PLEKHM1: variants seen among roughly 807,000 people sequenced by gnomAD.
PLEKHM1 encodes the protein pleckstrin homology and RUN domain containing M1.
PLEKHM1 carries 28 observed loss-of-function variants against 94.3 expected under a neutral mutation model. That is an observed-to-expected ratio of 0.30 (90% confidence interval 0.22 to 0.41). PLEKHM1 has a LOEUF of 0.41. Ranked by LOEUF, PLEKHM1 falls within the 10% of genes least tolerant of loss-of-function variation. PLEKHM1 has a pLI of 1.00. For missense variants in PLEKHM1, 907 were observed against 1,358.6 expected, an observed-to-expected ratio of 0.67 and a Z score of 5.22; for synonymous variants, 424 against 581.2, an observed-to-expected ratio of 0.73 and a Z score of 3.89.
At position 45,437,855 on chromosome 17, in the gene PLEKHM1, G is replaced by T; in HGVS notation, c.*3C>A. ...CTTTCAGAGCGGGGTCAGCAGATGG[G>T]CATCAGGCGAAAATGTTCTGTTCCT... On this transcript the variant is annotated 3_prime_UTR_variant, in exon 12 of 12. Coordinates refer to ENST00000430334, the MANE Select transcript of PLEKHM1 (RefSeq NM_014798.3). This position sits in a 1 kb window ranked among gnomAD's most constrained non-coding sequence, Gnocchi z 4.0. 1 of 1,610,116 alleles carries T rather than the reference G, an allele frequency of 6.2e-7. No homozygotes were observed. The highest frequency in any genetic ancestry group is 8.5e-7 in the Non-Finnish European group (1 of 1,176,460).
Position 45,444,611 on chromosome 17 carries a change from TC to T in PLEKHM1, c.2837+858del, listed in dbSNP as rs1446982658. 6.6e-6 allele frequency among the ~76,000 whole-genome samples: 1 copy of T among 152,248 alleles called. No individual in the cohort carries two copies. The highest frequency in any genetic ancestry group is 1.9e-4 in the East Asian group (1 of 5,178). ...GGCCCTCACCTGCCTCTCGCCACAC[TC>T]CCCACTTCCCTCCTCACTGTAGCCA... On this transcript the variant is annotated intron_variant, in intron 9 of 11. Coordinates refer to ENST00000430334, the MANE Select transcript of PLEKHM1 (RefSeq NM_014798.3). The surrounding 1 kb of genome is among the most constrained non-coding windows in gnomAD (Gnocchi z 5.0).
At chr17:45,483,484 G>T (rs2052021090) in intron 1 of PLEKHM1, among the ~76,000 whole-genome samples, 2 of 149,782 alleles carry the variant, frequency 1.3e-5, no homozygotes, top group African/African-American at 4.9e-5. Context: ...GCCTGAGGGG[G>T]CTGCTGACTG....
At chr17:45,467,021 T>C (rs2051340729) in intron 5 of PLEKHM1, among the ~76,000 whole-genome samples, 1 of 152,254 alleles carries the variant, frequency 6.6e-6, no homozygotes, top group Admixed American at 6.5e-5. Context: ...TAGGTTGCAA[T>C]ATATTTTTAC....
At chr17:45,446,407 CTAACGTAGCT>C (rs2050607989) in intron 8 of PLEKHM1, 1 of 152,910 alleles carries the variant, frequency 6.5e-6, no homozygotes, top group African/African-American at 2.4e-5. Flanking sequence ...CTTAGAGGGG[CTAACGTAGCT>C]TATACAACCT....
intron 1 of PLEKHM1, among the ~76,000 whole-genome samples, chr17:45,488,372 A>C (rs1261446166): frequency 5.3e-5 from 8 of 152,180 alleles, no homozygotes; most frequent in Non-Finnish European, 1.2e-4. Flanking sequence ...TGGTGCTCAA[A>C]AAATAAGCTG....
At chr17:45,461,421 T>C (rs1266018897) in intron 5 of PLEKHM1, among the ~76,000 whole-genome samples, 2 of 152,244 alleles carry the variant, frequency 1.3e-5, no homozygotes, top group Non-Finnish European at 2.9e-5. Context: ...TTTTTGTTGT[T>C]GTTTTTGTGC....
downstream of PLEKHM1, chr17:45,434,511 A>C (rs2050212703): frequency 6.6e-6 from 1 of 152,176 alleles, no homozygotes; most frequent in Admixed American, 6.5e-5. Context: ...CAGCGGCACG[A>C]TCTTGGCTCA....
At position 45,453,968 on chromosome 17, in the gene PLEKHM1, C is replaced by T. The variant is rs758806341; in HGVS notation, c.1884G>A (p.Arg628=). The change falls in exon 7 of 12, where the codon CGG becomes CGA. Residue 628 remains arginine (R), a synonymous_variant. Transcript: ENST00000430334. This position sits in a 1 kb window ranked among gnomAD's most constrained non-coding sequence, Gnocchi z 4.1. ...TCACCCACTCATCCTCCTGCTGAGG[C>T]CGGACCTTCTGCAGGGCCTCCCGCA... The part of the protein sequence containing the change: ...DRVREALQKV[R]PQQEDEWVNV... The T allele has an allele frequency of 4.8e-5, 78 of 1,613,856 alleles. No individual in the cohort carries two copies. The highest frequency in any genetic ancestry group is 4.2e-4 in the Admixed American group (25 of 60,004).
intron 8 of PLEKHM1, chr17:45,446,227 G>C (rs977548223): frequency 5.7e-6 from 1 of 175,222 alleles, no homozygotes; most frequent in Non-Finnish European, 1.2e-5. Flanking sequence ...GGCTGACAGG[G>C]TGTTGAAGGT....
chr17:45,479,494 G>A (rs931965906), intron 2 of PLEKHM1, among the ~76,000 whole-genome samples: 2 of 150,674 alleles, frequency 1.3e-5, no homozygotes, highest in African/African-American at 4.9e-5. Context: ...CTCCAGCCTG[G>A]GCGACAGAGC....
intron 1 of PLEKHM1, among the ~76,000 whole-genome samples, chr17:45,489,362 C>T (rs2868665): frequency 3.3e-5 from 5 of 152,300 alleles, no homozygotes; most frequent in East Asian, 3.9e-4. Flanking sequence ...AAAAGGAACA[C>T]GAACAATATT....
intron 9 of PLEKHM1, among the ~76,000 whole-genome samples, chr17:45,442,362 C>T (rs947704281): frequency 3.2e-4 from 49 of 152,302 alleles, no homozygotes; most frequent in South Asian, 4.1e-4. Flanking sequence ...GGGCTCTCCC[C>T]TTCACCAACT....
rs1478515361 is a variant in PLEKHM1 at position 45,437,934 on chromosome 17, C to T, written c.3095G>A (p.Cys1032Tyr). Residue 1032 changes from cysteine to tyrosine, a missense_variant, in exon 12 of 12, where the codon TGC becomes TAC. Physicochemically the swap from Cys to Tyr is radical, Grantham distance 194. Coordinates refer to ENST00000430334, the MANE Select transcript of PLEKHM1 (RefSeq NM_014798.3). The surrounding 1 kb of genome is among the most constrained non-coding windows in gnomAD (Gnocchi z 4.0). Reference protein sequence around the residue: ...AECKTVFHQSCQAVVKKGCPR... With the variant: ...AECKTVFHQSYQAVVKKGCPR... ...GCAGCCCTTCTTCACCACAGCCTGG[C>T]AGCTCTGGTGGAAGACGGTCTTGCA... 6.2e-7 allele frequency: 1 copy of T among 1,613,746 alleles called. No individual in the cohort carries two copies. Among genetic ancestry groups the T allele is most frequent in the East Asian group, 2.2e-5 (1 of 44,884 alleles).
intron 2 of PLEKHM1, among the ~76,000 whole-genome samples, chr17:45,478,441 G>A (rs764821420): frequency 8.6e-5 from 13 of 151,940 alleles, no homozygotes; most frequent in Non-Finnish European, 1.9e-4. Flanking sequence ...AAACTTAAGT[G>A]AACTTAGAGC....
Position 45,436,361 on chromosome 17 carries a change from C to G in PLEKHM1, c.*1497G>C, listed in dbSNP as rs780090954. Reference sequence around the variant, plus strand: ...TGTGCCATGACCGGGAGAAGCTGTGCGCAGCCTCCACCTGCCTGCCACCGT... The same window carrying G: ...TGTGCCATGACCGGGAGAAGCTGTGGGCAGCCTCCACCTGCCTGCCACCGT... On this transcript the variant is annotated 3_prime_UTR_variant, in exon 12 of 12. Coordinates refer to ENST00000430334, the MANE Select transcript of PLEKHM1 (RefSeq NM_014798.3). The G allele has an allele frequency of 1.1e-5, 5 of 454,040 alleles. No individual in the cohort carries two copies. The highest frequency in any genetic ancestry group is 2.3e-5 in the Admixed American group (1 of 42,564). 28.1% of individuals were successfully genotyped at this position (454,040 alleles called of 1,614,324 possible). A position where few individuals can be genotyped will look rare whatever the true frequency, so the allele number is the denominator to read the frequency against.
chr17:45,451,273 C>A (rs1247549085), intron 7 of PLEKHM1, among the ~76,000 whole-genome samples: 1 of 152,214 alleles, frequency 6.6e-6, no homozygotes, highest in African/African-American at 2.4e-5. Context: ...GGATGGGCAG[C>A]CAGCAGGGGG....
chr17:45,473,824 C>G (rs1250317523), intron 4 of PLEKHM1, among the ~76,000 whole-genome samples: 3 of 152,168 alleles, frequency 2.0e-5, no homozygotes, highest in African/African-American at 4.8e-5. Flanking sequence ...TCCCAAAGTG[C>G]TGGGATTACA....
chr17:45,454,426 G>C (rs1281091974), intron 6 of PLEKHM1, 154 bp from the exon 7 acceptor site: 1 of 705,378 alleles, frequency 1.4e-6, no homozygotes, highest in East Asian at 2.7e-5. Flanking sequence ...ATGGGACCCT[G>C]AAAGCTGGAT....
chr17:45,488,704 C>T (rs146328161), intron 1 of PLEKHM1, among the ~76,000 whole-genome samples: 187 of 152,248 alleles, frequency 1.2e-3, no homozygotes, highest in Non-Finnish European at 2.3e-3. Flanking sequence ...TTTGGGAGGC[C>T]GAGGTGGGTG....
Sources: allele counts gnomAD v4.1 joint callset (sites outside exome capture counted in the v4.1 genomes callset), GRCh38; gene constraint gnomAD v4.1.1; non-coding constraint Gnocchi (gnomAD v3.1); transcripts MANE v1.5; gene names NCBI Gene and HGNC (gene_info 2026-07-23, HGNC 2026-07-21).